The following BTAF1 variants were observed in gnomAD, a reference collection of about 807,000 sequenced individuals.
BTAF1 encodes B-TFIID TATA-box binding protein associated factor 1.
Under a neutral mutation model 227.1 loss-of-function variants are expected in BTAF1, and 38 were observed. The observed-to-expected ratio is 0.17, with a 90% CI of 0.13 to 0.22. The LOEUF is 0.22. Among genes scored for constraint, BTAF1 ranks in the 10% least tolerant of loss-of-function variants. BTAF1 has a pLI of 1.00. For missense variants in BTAF1, 1,598 were observed against 2,204.0 expected (o/e 0.73, Z 5.51); for synonymous variants, 742 against 751.9 (o/e 0.99, Z 0.21).
intron 15 of BTAF1, among the ~76,000 whole-genome samples, chr10:91,980,994 G>A (rs1046123351): frequency 6.6e-6 from 1 of 152,070 alleles, no homozygotes; most frequent in Non-Finnish European, 1.5e-5. Flanking sequence ...TAAAGGAGGA[G>A]CCGTTTGATA....
In BTAF1 at chr10:92,030,105, G is replaced by A. The variant is rs1477576135; in HGVS notation, c.*1172G>A. The A allele has an allele frequency of 7.2e-5, 11 of 152,512 alleles. No individual in the cohort carries two copies. In the East Asian group the frequency reaches 2.1e-3, roughly 29 times the overall value. 9.4% of individuals were successfully genotyped at this position (152,512 alleles called of 1,614,324 possible). On this transcript the variant is annotated 3_prime_UTR_variant, in exon 38 of 38. Coordinates refer to ENST00000265990, the MANE Select transcript of BTAF1 (RefSeq NM_003972.3). Reference sequence around the variant, plus strand: ...GGATATATTTGTATATATATGTACAGGTAATAAACATCCCCAAGGTTTGTG... The same window carrying A: ...GGATATATTTGTATATATATGTACAAGTAATAAACATCCCCAAGGTTTGTG...
chr10:91,953,632 G>A lies in BTAF1; in HGVS notation c.565-105G>A. 3 of 1,240,698 alleles carry A rather than the reference G, an allele frequency of 2.4e-6. No homozygotes were observed. The South Asian group carries it at 4.6e-5, about 19-fold the overall frequency. 76.9% of individuals were successfully genotyped at this position (1,240,698 alleles called of 1,614,324 possible). A position where few individuals can be genotyped will look rare whatever the true frequency, so the allele number is the denominator to read the frequency against. ...CCTGTCAAAAAAGAATGTGATCGATGTATATATACTGAAATTTATAGACTT... is the reference window on the plus strand; with the variant it reads ...CCTGTCAAAAAAGAATGTGATCGATATATATATACTGAAATTTATAGACTT... On this transcript the variant is annotated intron_variant, in intron 5 of 37. Transcript: ENST00000265990.
intron 1 of BTAF1, among the ~76,000 whole-genome samples, chr10:91,925,068 T>C (rs759797881): frequency 1.3e-5 from 2 of 152,242 alleles, no homozygotes; most frequent in Non-Finnish European, 2.9e-5. Context: ...TTATCTGTTT[T>C]GCAAGGGAAA....
intron 26 of BTAF1, among the ~76,000 whole-genome samples, chr10:92,008,510 GT>G (rs35905847): frequency 1.8e-3 from 235 of 133,978 alleles, no homozygotes; most frequent in Middle Eastern, 3.9e-3. Flanking sequence ...TGGCCAGCTA[GT>G]TTTTTTTTTT....
At chr10:91,937,955 A>G (rs1844747961) in intron 2 of BTAF1, among the ~76,000 whole-genome samples, 2 of 152,226 alleles carry the variant, frequency 1.3e-5, no homozygotes, top group Non-Finnish European at 2.9e-5. Context: ...GACTTTGATT[A>G]TAGCCATCCT....
At chr10:91,934,659 A>G (rs1844485231) in intron 1 of BTAF1, among the ~76,000 whole-genome samples, 1 of 152,138 alleles carries the variant, frequency 6.6e-6, no homozygotes, top group African/African-American at 2.4e-5. Context: ...AAAGGTCTCC[A>G]CGGTAGGGTT....
chr10:92,017,284 G>T (rs1185175026), intron 33 of BTAF1, among the ~76,000 whole-genome samples: 1 of 152,156 alleles, frequency 6.6e-6, no homozygotes, highest in East Asian at 1.9e-4. Context: ...AGTCATGCAG[G>T]TGTATGGGGG....
chr10:92,001,191 G>C (rs1326454367), intron 25 of BTAF1, among the ~76,000 whole-genome samples: 4 of 152,208 alleles, frequency 2.6e-5, no homozygotes, highest in Non-Finnish European at 5.9e-5. Flanking sequence ...AGAGAGCCCA[G>C]TAGTCTTGCT....
chr10:91,930,456 TG>T (rs1844195792), intron 1 of BTAF1, among the ~76,000 whole-genome samples: 1 of 152,048 alleles, frequency 6.6e-6, no homozygotes, highest in Non-Finnish European at 1.5e-5. Context: ...CAGGGTAGAG[TG>T]GGGTAACTTA....
intron 22 of BTAF1, among the ~76,000 whole-genome samples, chr10:91,994,285 G>A (rs1564703043): frequency 2.7e-5 from 4 of 150,624 alleles, no homozygotes; most frequent in African/African-American, 9.7e-5. Flanking sequence ...GGATGACAGA[G>A]CGAGACTCTG....
At chr10:91,936,748 A>G (rs1426237175) in intron 2 of BTAF1, among the ~76,000 whole-genome samples, 1 of 152,184 alleles carries the variant, frequency 6.6e-6, no homozygotes, top group East Asian at 1.9e-4. Context: ...GAGAGGCAAC[A>G]CCTTTCTTCT....
intron 8 of BTAF1, among the ~76,000 whole-genome samples, 195 bp downstream of exon 8, chr10:91,957,488 T>G (rs1846184711): frequency 6.6e-6 from 1 of 152,274 alleles, no homozygotes; most frequent in Non-Finnish European, 1.5e-5. Flanking sequence ...GTCATATTCT[T>G]TAGTGAATTG....
chr10:91,973,557 G>A (rs1040889255), intron 14 of BTAF1, among the ~76,000 whole-genome samples: 2 of 152,164 alleles, frequency 1.3e-5, no homozygotes, highest in African/African-American at 4.8e-5. Flanking sequence ...GTTTACATGA[G>A]GTGGCTACTG....
At chr10:92,014,372 C>T (rs1036961728) in intron 32 of BTAF1, among the ~76,000 whole-genome samples, 1 of 152,088 alleles carries the variant, frequency 6.6e-6, no homozygotes, top group South Asian at 2.1e-4. Flanking sequence ...GGACTGCAGG[C>T]ACATATCACC....
intron 25 of BTAF1, 64 bp downstream of exon 25, chr10:91,997,815 A>G: frequency 6.4e-7 from 1 of 1,551,526 alleles, no homozygotes; most frequent in Non-Finnish European, 8.8e-7. Flanking sequence ...TAATAATTGT[A>G]ACCCTTTTTA....
chr10:91,989,474 T>C lies in BTAF1; in HGVS notation c.2748T>C (p.Asn916=). Residue 916 remains asparagine, a synonymous_variant, in exon 20 of 38, where the codon AAT becomes AAC. Coordinates refer to ENST00000265990, the MANE Select transcript of BTAF1 (RefSeq NM_003972.3). The part of the protein sequence containing the change: ...QQCTTRTPCP[N]SKIIKNLCSS... ...GCACAACAAGGACGCCCTGTCCCAATTCAAAAATTATTAAAAACCTCTGTA... is the reference window on the plus strand; with the variant it reads ...GCACAACAAGGACGCCCTGTCCCAACTCAAAAATTATTAAAAACCTCTGTA... 12 of 1,614,024 alleles carry C rather than the reference T, an allele frequency of 7.4e-6. 1 individual carries two copies. Among genetic ancestry groups the C allele is most frequent in the Non-Finnish European group, 8.5e-6 (10 of 1,180,030 alleles).
intron 28 of BTAF1, among the ~76,000 whole-genome samples, chr10:92,009,665 C>G (rs1850166105): frequency 6.6e-6 from 1 of 152,176 alleles, no homozygotes; most frequent in Non-Finnish European, 1.5e-5. Context: ...GTGAGTTCCC[C>G]TCTCTTAAAT....
rs1851805620 is a variant in BTAF1, at chr10:92,030,148, G to A, written c.*1215G>A. 6.6e-6 allele frequency: 1 copy of A among 152,508 alleles called. No individual in the cohort carries two copies. Among genetic ancestry groups the A allele is most frequent in the Non-Finnish European group, 1.5e-5 (1 of 67,960 alleles). 9.4% of individuals were successfully genotyped at this position (152,508 alleles called of 1,614,324 possible). ...GGTTTGTGGCTGGCCATACACATAG[G>A]CATCAGTTTAACAACCATCAGACCT... On this transcript the variant is annotated 3_prime_UTR_variant, in exon 38 of 38. Coordinates refer to ENST00000265990, the MANE Select transcript of BTAF1 (RefSeq NM_003972.3).
chr10:91,946,043 A>G (rs1168371873), intron 4 of BTAF1, among the ~76,000 whole-genome samples: 1 of 152,232 alleles, frequency 6.6e-6, no homozygotes, highest in African/African-American at 2.4e-5. Flanking sequence ...GAATACCACA[A>G]TTTGTAAAAG....
Sources: gnomAD v4.1 joint callset for allele counts (sites outside exome capture counted in the v4.1 genomes callset) on GRCh38, gnomAD v4.1.1 for gene constraint, MANE v1.5 for transcripts, NCBI Gene and HGNC (gene_info 2026-07-23, HGNC 2026-07-21) for gene names.